GABRB3: variants seen among roughly 807,000 people sequenced by gnomAD.
The protein encoded by GABRB3 is gamma-aminobutyric acid receptor subunit beta-3.
Under a neutral mutation model 52.1 loss-of-function variants are expected in GABRB3, and 14 were observed. The ratio of observed to expected loss-of-function variants is 0.27; its 90% CI spans 0.18 to 0.42. The LOEUF is 0.42. GABRB3 is among the 10% of genes least tolerant of loss of function. The pLI, the probability that GABRB3 is intolerant of heterozygous loss-of-function variation, is 1.00. For missense variants in GABRB3, 307 were observed against 609.1 expected (o/e 0.50, Z 5.22); for synonymous variants, 260 against 232.3 (o/e 1.12, Z -1.08).
chr15:26,558,816 C>A (rs1889859799), intron 8 of GABRB3, among the ~76,000 whole-genome samples: 4 of 148,672 alleles, frequency 2.7e-5, no homozygotes, highest in African/African-American at 1.0e-4. Context: ...CCAGCCTGGG[C>A]AACAAGAGCG....
chr15:26,738,416 C>T (rs1890121316), intron 3 of GABRB3, among the ~76,000 whole-genome samples: 1 of 152,214 alleles, frequency 6.6e-6, no homozygotes, highest in Non-Finnish European at 1.5e-5. Context: ...GGACGGATTT[C>T]TCTTTCTACC....
chr15:26,626,493 C>T (rs12324176), intron 3 of GABRB3, among the ~76,000 whole-genome samples: 76,359 of 151,968 alleles, frequency 0.5, 19,659 homozygotes, highest in Middle Eastern at 0.57. Flanking sequence ...TTTATAGGCC[C>T]AAAGTTAGGC....
At chr15:26,564,857 G>C (rs1001691155) in intron 7 of GABRB3, among the ~76,000 whole-genome samples, 1 of 152,118 alleles carries the variant, frequency 6.6e-6, no homozygotes, top group Non-Finnish European at 1.5e-5. Context: ...CAACATAGTA[G>C]ACCAAATAAC....
At chr15:26,716,436 C>A (rs1347644776) in intron 3 of GABRB3, among the ~76,000 whole-genome samples, 2 of 152,184 alleles carry the variant, frequency 1.3e-5, no homozygotes, top group Non-Finnish European at 2.9e-5. Context: ...GAGCTAAGAG[C>A]TCCCCTCTGT....
intron 4 of GABRB3, among the ~76,000 whole-genome samples, chr15:26,586,235 G>A (rs1052482842): frequency 9.9e-5 from 15 of 151,948 alleles, no homozygotes; most frequent in African/African-American, 3.1e-4. Context: ...TCCTGACCCC[G>A]ATCCACCCGC....
chr15:26,726,484 T>A (rs770927658), intron 3 of GABRB3, among the ~76,000 whole-genome samples: 1 of 152,216 alleles, frequency 6.6e-6, no homozygotes, highest in Admixed American at 6.5e-5. Context: ...GGACATTGCA[T>A]TTAGCAGTCT....
rs922084553 is a variant in GABRB3 at position 26,689,017 on chromosome 15, A to T, written c.241-67483T>A. Reference sequence around the variant, plus strand: ...AAAAGGTTCACAGAGATTTCAACTCATATTTGTCCTCGCCACATTCCTGCA... The same window carrying T: ...AAAAGGTTCACAGAGATTTCAACTCTTATTTGTCCTCGCCACATTCCTGCA... On this transcript the variant is annotated intron_variant, in intron 3 of 8. Transcript: ENST00000311550. Among the ~76,000 whole-genome samples, 3 of 152,230 alleles carry T rather than the reference A, an allele frequency of 2.0e-5. No homozygotes were observed. In the South Asian group the frequency reaches 6.2e-4, roughly 32 times the overall value.
intron 8 of GABRB3, among the ~76,000 whole-genome samples, chr15:26,551,653 C>T (rs895476180): frequency 8.5e-5 from 13 of 152,168 alleles, no homozygotes; most frequent in African/African-American, 1.2e-4. Context: ...CAGGTGGTGC[C>T]AGTGCTTCTA....
At chr15:26,750,736 A>C (rs1263812056) in intron 3 of GABRB3, among the ~76,000 whole-genome samples, 1 of 152,338 alleles carries the variant, frequency 6.6e-6, no homozygotes, top group Non-Finnish European at 1.5e-5. Context: ...TCAACTCATA[A>C]ATAGTAGAAA....
At chr15:26,567,485 C>T in intron 7 of GABRB3, 96 bp downstream of exon 7, 2 of 1,243,320 alleles carry the variant, frequency 1.6e-6, no homozygotes, top group East Asian at 4.9e-5. Context: ...GTCACGCTGT[C>T]AAAAAATGGT....
At chr15:26,715,090 A>G (rs779981630) in intron 3 of GABRB3, among the ~76,000 whole-genome samples, 1 of 152,170 alleles carries the variant, frequency 6.6e-6, no homozygotes, top group Non-Finnish European at 1.5e-5. Flanking sequence ...AGAGGGGGCC[A>G]TGGGCAGCTC....
At chr15:26,643,498 A>G (rs575148889) in intron 3 of GABRB3, among the ~76,000 whole-genome samples, 1 of 152,298 alleles carries the variant, frequency 6.6e-6, no homozygotes, top group East Asian at 1.9e-4. Flanking sequence ...AGGCAGGAGC[A>G]ATGTTCATGT....
At chr15:26,603,446 T>C (rs1014879071) in intron 4 of GABRB3, among the ~76,000 whole-genome samples, 1 of 151,592 alleles carries the variant, frequency 6.6e-6, no homozygotes, top group African/African-American at 2.4e-5. Context: ...GAAAAATATA[T>C]ACAAAAACAA....
intron 3 of GABRB3, among the ~76,000 whole-genome samples, chr15:26,738,612 G>A (rs957059909): frequency 4.6e-5 from 7 of 152,100 alleles, no homozygotes; most frequent in African/African-American, 1.7e-4. Context: ...GACTCTCACG[G>A]CGCCCTTGCC....
At chr15:26,768,674 A>G (rs1251708552) in intron 3 of GABRB3, among the ~76,000 whole-genome samples, 1 of 152,182 alleles carries the variant, frequency 6.6e-6, no homozygotes, top group Non-Finnish European at 1.5e-5. Flanking sequence ...TATACAAACT[A>G]AATCTCAATA....
intron 3 of GABRB3, 149 bp downstream of exon 3, chr15:26,772,253 G>A (rs1359696586): frequency 4.7e-5 from 30 of 641,756 alleles, no homozygotes; most frequent in Admixed American, 3.3e-5. Context: ...GGGCAAGCGA[G>A]GGGCCGGCGC....
At chr15:26,705,079 T>A (rs1889056592) in intron 3 of GABRB3, among the ~76,000 whole-genome samples, 1 of 152,216 alleles carries the variant, frequency 6.6e-6, no homozygotes, top group Non-Finnish European at 1.5e-5. Flanking sequence ...CCTGCCCTAG[T>A]CCAGTTGTGC....
chr15:26,563,261 C>T (rs1890053246), intron 7 of GABRB3, among the ~76,000 whole-genome samples: 1 of 152,216 alleles, frequency 6.6e-6, no homozygotes, highest in African/African-American at 2.4e-5. Context: ...GGCACTCAGC[C>T]TGGTAAATGA....
chr15:26,670,335 C>T (rs1566798773), intron 3 of GABRB3, among the ~76,000 whole-genome samples: 1 of 152,276 alleles, frequency 6.6e-6, no homozygotes, highest in Non-Finnish European at 1.5e-5. Flanking sequence ...CAGGGCACGG[C>T]GCACTGGACA....
Sources: gnomAD v4.1 joint callset for allele counts (sites outside exome capture counted in the v4.1 genomes callset) on GRCh38, gnomAD v4.1.1 for gene constraint, MANE v1.5 for transcripts, NCBI Gene and HGNC (gene_info 2026-07-23, HGNC 2026-07-21) for gene names.